The following EDAR variants were observed in gnomAD, a reference collection of about 807,000 sequenced individuals.
The protein encoded by EDAR is ectodysplasin A receptor.
EDAR carries 38 observed loss-of-function variants against 51.3 expected under a neutral mutation model. That is an observed-to-expected ratio of 0.74 (90% CI 0.57 to 0.97). EDAR has a LOEUF of 0.97. Ranked by LOEUF, EDAR falls within the 50% of genes least tolerant of loss-of-function variation. The pLI is 0.00. For synonymous variants in EDAR, 227 were observed against 242.1 expected (o/e 0.94, Z 0.58); for missense variants, 528 against 595.0 (o/e 0.89, Z 1.17).
In EDAR at chr2:108,912,650, G is replaced by A. The variant is rs980156732; in HGVS notation, c.529+28C>T. 3.2e-6 allele frequency: 5 copies of A among 1,556,014 alleles called. No homozygotes were observed. The African/African-American group carries it at 4.1e-5, about 13-fold the overall frequency. ...TCATCCGAGTACCACCTAACTCCAGGTGATCGATACCTGAGCACCCTCCTC... is the reference window on the plus strand; with the variant it reads ...TCATCCGAGTACCACCTAACTCCAGATGATCGATACCTGAGCACCCTCCTC... On this transcript the variant is annotated intron_variant, in intron 6 of 11. Coordinates refer to ENST00000258443, the MANE Select transcript of EDAR (RefSeq NM_022336.4).
chr2:108,922,821 C>G lies in EDAR; in HGVS notation c.442+547G>C, dbSNP rs149627369. Among the ~76,000 whole-genome samples, 5 of 152,238 alleles carry G rather than the reference C, an allele frequency of 3.3e-5. No individual in the cohort carries two copies. The East Asian group carries it at 9.7e-4, about 29-fold the overall frequency. The stretch of plus-strand genomic sequence containing the variant: ...TCCTCTGAGGCAGAGGTACCTGGCC[C>G]TTCGTCATAAACAGATGCCCATGAA... On this transcript the variant is annotated intron_variant, in intron 5 of 11. Coordinates refer to ENST00000258443, the MANE Select transcript of EDAR (RefSeq NM_022336.4).
chr2:108,957,938 T>C (rs1401828985), intron 1 of EDAR, among the ~76,000 whole-genome samples: 3 of 152,146 alleles, frequency 2.0e-5, no homozygotes, highest in Non-Finnish European at 4.4e-5. Context: ...ATAAACAAGA[T>C]TAATTGCACA....
rs1553443314 is a variant in EDAR, at chr2:108,896,895, C to G, written c.*12G>C. 7 of 1,607,642 alleles carry G rather than the reference C, an allele frequency of 4.4e-6. No homozygotes were observed. In the South Asian group the frequency reaches 6.7e-5, roughly 15 times the overall value. ...TGGCTTGTCCTGGGAGGACAGCCCA[C>G]AGGCATGCTTTTCAGGATGCAGCAT... On this transcript the variant is annotated 3_prime_UTR_variant, in exon 12 of 12. Transcript: ENST00000258443.
intron 1 of EDAR, among the ~76,000 whole-genome samples, chr2:108,985,193 A>G (rs952372516): frequency 2.0e-5 from 3 of 152,156 alleles, no homozygotes; most frequent in Non-Finnish European, 2.9e-5. Context: ...ATATCTAGCT[A>G]TTGAATGGTA....
In EDAR at chr2:108,965,464, C is replaced by CAAA. The variant is rs71383817; in HGVS notation, c.-19+23493_-19+23495dup. 6.7e-3 allele frequency among the ~76,000 whole-genome samples: 917 copies of CAAA among 137,210 alleles called. 20 individuals carry two copies. Among genetic ancestry groups the CAAA allele is most frequent in the African/African-American group, 0.019 (723 of 37,272 alleles). The allele number at this position is 137,210 out of a possible 152,430, so 90.0% of individuals were successfully genotyped here. ...TGGGAGACAGAGCGAGATTTCGTCTCAAAAAAAAAAAAAAAGATAATAAAT... is the reference window on the plus strand; with the variant it reads ...TGGGAGACAGAGCGAGATTTCGTCTCAAAAAAAAAAAAAAAAAAGATAATAAAT... On this transcript the variant is annotated intron_variant, in intron 1 of 11. Transcript: ENST00000258443.
At chr2:108,937,558 ATG>A (rs34598565) in intron 1 of EDAR, among the ~76,000 whole-genome samples, 3,621 of 151,602 alleles carry the variant, frequency 0.024, 80 homozygotes, top group African/African-American at 0.056. Context: ...TGTGAATGTT[ATG>A]TGTGTGTGTA....
intron 1 of EDAR, among the ~76,000 whole-genome samples, chr2:108,976,356 C>A (rs1425376061): frequency 1.3e-5 from 2 of 152,172 alleles, no homozygotes; most frequent in Non-Finnish European, 2.9e-5. Flanking sequence ...ACCACAGAGG[C>A]AATGTGCCAT....
chr2:108,973,229 C>T (rs1270062924), intron 1 of EDAR, among the ~76,000 whole-genome samples: 1 of 152,226 alleles, frequency 6.6e-6, no homozygotes, highest in Non-Finnish European at 1.5e-5. Flanking sequence ...ATCAGGTGTT[C>T]TGCCTGCTTC....
Position 108,910,995 on chromosome 2 carries a change from C to T in EDAR, c.607G>A (p.Val203Ile), listed in dbSNP as rs148212997. The T allele has an allele frequency of 3.1e-4, 504 of 1,613,952 alleles. 1 individual carries two copies. The highest frequency in any genetic ancestry group is 3.9e-4 in the Non-Finnish European group (463 of 1,180,000). The change falls in exon 7 of 12, where the codon GTC becomes ATC. Residue 203 changes from valine (V) to isoleucine (I), a missense_variant. Transcript: ENST00000258443. Reference protein sequence around the residue: ...STIFIMAIAIVLIIMFYILKT... With the variant: ...STIFIMAIAIILIIMFYILKT... The stretch of plus-strand genomic sequence containing the variant: ...AGGATGTAGAACATGATGATGAGGA[C>T]GATGGCGATGGCCATGATGAAGATG...
chr2:108,955,086 T>C (rs565926389), intron 1 of EDAR, among the ~76,000 whole-genome samples: 26 of 152,092 alleles, frequency 1.7e-4, no homozygotes, highest in Non-Finnish European at 3.7e-4. Context: ...CATTAAAGGG[T>C]AGTGATTATA....
rs1698426305 is a variant in EDAR at position 108,981,918 on chromosome 2, A to C, written c.-19+7042T>G. ...CTAAGGAAGCAACAAATGCCCAATAAATGTGGGTTTCTTCAACATTTATTG... is the reference window on the plus strand; with the variant it reads ...CTAAGGAAGCAACAAATGCCCAATACATGTGGGTTTCTTCAACATTTATTG... On this transcript the variant is annotated intron_variant, in intron 1 of 11. Transcript: ENST00000258443. Among the ~76,000 whole-genome samples, 5 of 152,332 alleles carry C rather than the reference A, an allele frequency of 3.3e-5. No homozygotes were observed. In the South Asian group the frequency reaches 1.0e-3, roughly 32 times the overall value.
intron 4 of EDAR, among the ~76,000 whole-genome samples, chr2:108,926,887 C>A (rs1260698159): frequency 1.3e-5 from 2 of 152,236 alleles, no homozygotes; most frequent in Non-Finnish European, 2.9e-5. Flanking sequence ...GCTAGTCACA[C>A]CGGCCTGCCA....
chr2:108,903,261 A>C (rs930382126), intron 11 of EDAR, among the ~76,000 whole-genome samples: 8 of 152,196 alleles, frequency 5.3e-5, no homozygotes, highest in Non-Finnish European at 7.3e-5. Context: ...AAATGAAGAG[A>C]TATACCATGC....
At chr2:108,954,171 C>T (rs1697877264) in intron 1 of EDAR, among the ~76,000 whole-genome samples, 1 of 152,116 alleles carries the variant, frequency 6.6e-6, no homozygotes, top group African/African-American at 2.4e-5. Context: ...TTATGGCAAC[C>T]TAGATAGCAT....
intron 1 of EDAR, among the ~76,000 whole-genome samples, chr2:108,979,352 A>ACCCTGGGCTGC (rs1199069522): frequency 6.6e-6 from 1 of 151,782 alleles, no homozygotes; most frequent in East Asian, 1.9e-4. Flanking sequence ...GCTGGGGCTG[A>ACCCTGGGCTGC]CCCTGGGCTG....
intron 10 of EDAR, among the ~76,000 whole-genome samples, chr2:108,907,198 A>G (rs1025430588): frequency 6.6e-6 from 1 of 152,220 alleles, no homozygotes; most frequent in Admixed American, 6.5e-5. Context: ...GCATAGAAGA[A>G]AAACGTTGTG....
intron 4 of EDAR, among the ~76,000 whole-genome samples, chr2:108,925,920 A>G (rs891658411): frequency 4.6e-5 from 7 of 152,172 alleles, no homozygotes; most frequent in Non-Finnish European, 8.8e-5. Flanking sequence ...CTGACCGGTG[A>G]TAAACTTTTA....
chr2:108,899,783 C>CA (rs1696665770), intron 11 of EDAR, among the ~76,000 whole-genome samples: 1 of 152,028 alleles, frequency 6.6e-6, no homozygotes, highest in South Asian at 2.1e-4. Flanking sequence ...GTCAGGAGTT[C>CA]AAGACTAGCC....
chr2:108,907,785 A>C (rs1302067763), intron 10 of EDAR, 75 bp downstream of exon 10: 1 of 1,567,606 alleles, frequency 6.4e-7, no homozygotes, highest in Non-Finnish European at 8.8e-7. Flanking sequence ...AGCTGATTCA[A>C]TAAGAAAGTT....
Sources: allele counts gnomAD v4.1 joint callset (sites outside exome capture counted in the v4.1 genomes callset), GRCh38; gene constraint gnomAD v4.1.1; transcripts MANE v1.5; gene names NCBI Gene and HGNC (gene_info 2026-07-23, HGNC 2026-07-21).